CCDC148: variants seen among roughly 807,000 people sequenced by gnomAD.
CCDC148 encodes the protein coiled-coil domain containing 148, also known as coiled-coil domain-containing protein 148.
CCDC148 carries 89 observed loss-of-function variants against 85.7 expected under a neutral mutation model. The ratio of observed to expected loss-of-function variants is 1.04; its 90% confidence interval spans 0.87 to 1.24. CCDC148 has a LOEUF of 1.24. Ranked by LOEUF, CCDC148 falls within the 50% of genes most tolerant of loss-of-function variation. The pLI is 0.00. For missense variants in CCDC148, 692 were observed against 671.7 expected, an observed-to-expected ratio of 1.03 and a Z score of -0.33; for synonymous variants, 230 against 213.9, an observed-to-expected ratio of 1.08 and a Z score of -0.66.
chr2:158,244,777 T>G (rs7559993), intron 10 of CCDC148, among the ~76,000 whole-genome samples: 130,873 of 152,090 alleles, frequency 0.86, 58,250 homozygotes, highest in Non-Finnish European at 0.97. Context: ...TATGGTCTGG[T>G]TGATTATACA....
At chr2:158,186,328 C>T (rs1421988949) in intron 11 of CCDC148, among the ~76,000 whole-genome samples, 1 of 152,012 alleles carries the variant, frequency 6.6e-6, no homozygotes, top group Non-Finnish European at 1.5e-5. Flanking sequence ...AGAACTGTTC[C>T]CCTGCCAACA....
intron 4 of CCDC148, 92 bp downstream of exon 4, chr2:158,340,506 G>C (rs1378872712): frequency 7.1e-7 from 1 of 1,404,364 alleles, no homozygotes; most frequent in Non-Finnish European, 9.8e-7. Context: ...AAAACAAATG[G>C]CAGTTAATAT....
At chr2:158,413,748 G>C (rs1367793723) in intron 1 of CCDC148, among the ~76,000 whole-genome samples, 3 of 152,154 alleles carry the variant, frequency 2.0e-5, no homozygotes, top group Non-Finnish European at 4.4e-5. Context: ...GAGTTGTATA[G>C]CCAATGTGTA....
intron 10 of CCDC148, among the ~76,000 whole-genome samples, chr2:158,225,194 A>G (rs1333536998): frequency 6.6e-6 from 1 of 152,212 alleles, no homozygotes; most frequent in African/African-American, 2.4e-5. Flanking sequence ...AACAAAGATC[A>G]AAAGAGACAA....
intron 9 of CCDC148, among the ~76,000 whole-genome samples, chr2:158,283,465 G>A (rs1690443327): frequency 6.6e-6 from 1 of 152,154 alleles, no homozygotes; most frequent in African/African-American, 2.4e-5. Context: ...AGTGGGCAAA[G>A]GATATGAATA....
intron 1 of CCDC148, among the ~76,000 whole-genome samples, chr2:158,368,079 C>A (rs1354630293): frequency 6.6e-6 from 1 of 152,078 alleles, no homozygotes; most frequent in Non-Finnish European, 1.5e-5. Flanking sequence ...AGGTTTATTT[C>A]ATAATTAATA....
chr2:158,410,065 A>G (rs574594003), intron 1 of CCDC148, among the ~76,000 whole-genome samples: 5 of 152,238 alleles, frequency 3.3e-5, no homozygotes, highest in African/African-American at 9.6e-5. Context: ...TTTTTTCCCT[A>G]GTCTTAGGTA....
In CCDC148 at chr2:158,269,270, C is replaced by G. The variant is rs115419608; in HGVS notation, c.1111-18358G>C. ...TCATGCCATCCTTTCAGGTGTGAGA[C>G]GGTATCTCATGGTGGTTTTAACCTG... On this transcript the variant is annotated intron_variant, in intron 9 of 13. Transcript: ENST00000283233. 1.8e-3 allele frequency among the ~76,000 whole-genome samples: 280 copies of G among 152,134 alleles called. 1 individual carries two copies. The highest frequency in any genetic ancestry group is 6.3e-3 in the African/African-American group (263 of 41,504).
chr2:158,403,483 C>T (rs1323048565), intron 1 of CCDC148, among the ~76,000 whole-genome samples: 1 of 152,030 alleles, frequency 6.6e-6, no homozygotes, highest in Admixed American at 6.6e-5. Flanking sequence ...TTACATCACC[C>T]ATTAAAGTGT....
intron 2 of CCDC148, among the ~76,000 whole-genome samples, chr2:158,346,497 C>T (rs985415716): frequency 1.3e-5 from 2 of 152,130 alleles, no homozygotes; most frequent in Non-Finnish European, 2.9e-5. Context: ...CGTATTGCCT[C>T]CCAGTCCTTT....
intron 9 of CCDC148, among the ~76,000 whole-genome samples, chr2:158,279,501 T>A (rs1043403592): frequency 2.6e-5 from 4 of 152,202 alleles, no homozygotes; most frequent in African/African-American, 9.6e-5. Flanking sequence ...GGAGCCGATG[T>A]GATCAACTGG....
intron 10 of CCDC148, chr2:158,235,769 G>C (rs1688074545): frequency 6.6e-6 from 1 of 152,322 alleles, no homozygotes; most frequent in South Asian, 2.1e-4. Flanking sequence ...AAGTTAAGAA[G>C]AATGTAATAA....
intron 1 of CCDC148, among the ~76,000 whole-genome samples, chr2:158,414,841 T>A (rs1686422684): frequency 6.6e-6 from 1 of 152,204 alleles, no homozygotes; most frequent in South Asian, 2.1e-4. Context: ...TCTGAAACTT[T>A]AGCATTTCTC....
In CCDC148 at chr2:158,433,261, A is replaced by AATAT. The variant is rs375554012; in HGVS notation, c.25+23150_25+23153dup. On this transcript the variant is annotated intron_variant, in intron 1 of 13. Transcript: ENST00000283233. ...GGCAACAGAGTAAGTCCTTGACTCA[A>AATAT]ATATATATATATATATAAAACAAAA... is the stretch of plus-strand genomic sequence containing the variant. Among the ~76,000 whole-genome samples, 6 of 122,550 alleles carry AATAT rather than the reference A, an allele frequency of 4.9e-5. 2 individuals are homozygous for AATAT. Among genetic ancestry groups the AATAT allele is most frequent in the Non-Finnish European group, 7.2e-5 (4 of 55,258 alleles). 80.4% of individuals were successfully genotyped at this position (122,550 alleles called of 152,430 possible).
At chr2:158,285,288 CAAAAAAA>C in intron 9 of CCDC148, among the ~76,000 whole-genome samples, 1 of 96,214 alleles carries the variant, frequency 1.0e-5, no homozygotes, top group South Asian at 3.7e-4. Flanking sequence ...AACTCCATTT[CAAAAAAA>C]AAAAAAAAAA....
chr2:158,371,503 T>C (rs1684439772), intron 1 of CCDC148, among the ~76,000 whole-genome samples: 1 of 151,978 alleles, frequency 6.6e-6, no homozygotes, highest in African/African-American at 2.4e-5. Flanking sequence ...TGGTAGTCAT[T>C]ATCAAGGTTT....
At chr2:158,388,638 G>A (rs1384638330) in intron 1 of CCDC148, among the ~76,000 whole-genome samples, 1 of 151,996 alleles carries the variant, frequency 6.6e-6, no homozygotes, top group African/African-American at 2.4e-5. Flanking sequence ...GGGACTACTG[G>A]TGCCCGCCAC....
At position 158,313,916 on chromosome 2, in the gene CCDC148, CAACAT is replaced by C. The variant is rs1692161399; in HGVS notation, c.765-27_765-23del. Reference sequence around the variant, plus strand: ...GTTTCTAGAAGCAACAAAAATGTCACAACATATTATTGAGCAATCATGAAATTTGA... The same window carrying C: ...GTTTCTAGAAGCAACAAAAATGTCACATTATTGAGCAATCATGAAATTTGA... On this transcript the variant is annotated intron_variant, in intron 7 of 13. Transcript: ENST00000283233. 5.0e-6 allele frequency: 8 copies of C among 1,606,484 alleles called. No individual in the cohort carries two copies. In the East Asian group the frequency reaches 1.8e-4, roughly 36 times the overall value.
intron 10 of CCDC148, among the ~76,000 whole-genome samples, chr2:158,233,155 A>C (rs747784704): frequency 6.6e-6 from 1 of 152,128 alleles, no homozygotes; most frequent in Non-Finnish European, 1.5e-5. Flanking sequence ...ACTATGTATC[A>C]ATTATTTAAA....
Sources: gnomAD v4.1 joint callset for allele counts (sites outside exome capture counted in the v4.1 genomes callset) on GRCh38, gnomAD v4.1.1 for gene constraint, MANE v1.5 for transcripts, NCBI Gene and HGNC (gene_info 2026-07-23, HGNC 2026-07-21) for gene names.